The following MTURN variants were observed in gnomAD, a reference collection of about 807,000 sequenced individuals.
MTURN encodes the protein maturin, neural progenitor differentiation regulator homolog.
In MTURN, 7 loss-of-function variants were observed where a neutral mutation model predicts 14.9. The ratio of observed to expected loss-of-function variants is 0.47; its 90% confidence interval spans 0.27 to 0.88. The LOEUF (loss-of-function observed/expected upper bound fraction) is 0.88, where lower values mean the gene tolerates loss of function less well. Ranked by LOEUF, MTURN falls within the 40% of genes least tolerant of loss-of-function variation. The pLI is 0.14. For synonymous variants in MTURN, 69 were observed against 72.5 expected (o/e 0.95, Z 0.25); for missense variants, 151 against 174.1 (o/e 0.87, Z 0.75).
Position 30,135,299 on chromosome 7 carries a change from G to C in MTURN, c.162+1G>C, listed in dbSNP as rs781088046. The C allele has an allele frequency of 1.3e-6, 2 of 1,521,362 alleles. No homozygotes were observed. The allele number at this position is 1,521,362 out of a possible 1,614,324, so 94.2% of individuals were successfully genotyped here. ...GGACAACGGCTGCGGCGACAATTTT[G>C]TGAGTGCCTGGAGGAGGGACCGCCG... is the stretch of plus-strand genomic sequence containing the variant. On this transcript the variant is annotated splice_donor_variant, in intron 1 of 2. Coordinates refer to ENST00000324453, the MANE Select transcript of MTURN (RefSeq NM_152793.3). LOFTEE classifies it high-confidence loss of function.
At chr7:30,153,705 C>A (rs1359992467) in intron 2 of MTURN, among the ~76,000 whole-genome samples, 1 of 150,842 alleles carries the variant, frequency 6.6e-6, no homozygotes, top group African/African-American at 2.5e-5. Context: ...TGTGCCAAAC[C>A]CCCTTTTTAT....
At chr7:30,144,804 G>A (rs571494084) in intron 1 of MTURN, among the ~76,000 whole-genome samples, 1 of 152,260 alleles carries the variant, frequency 6.6e-6, no homozygotes, top group African/African-American at 2.4e-5. Flanking sequence ...TTGAGTGATA[G>A]GGATATGGGG....
chr7:30,140,415 G>GTGTGTGTATATATATATATATATATATA (rs33952294), intron 1 of MTURN, among the ~76,000 whole-genome samples: 2,746 of 143,754 alleles, frequency 0.019, 35 homozygotes, highest in East Asian at 0.039. Flanking sequence ...GTGTGTGTGT[G>GTGTGTGTATATATATATATATATATATA]TATCCCCATT....
intron 2 of MTURN, 144 bp downstream of exon 2, chr7:30,146,443 C>A (rs749152151): frequency 3.4e-6 from 4 of 1,176,414 alleles, no homozygotes; most frequent in Non-Finnish European, 4.7e-6. Context: ...AGATAGCAGC[C>A]AGTATAGGGA....
At chr7:30,145,991 A>G (rs1797123189) in intron 1 of MTURN, 186 bp from the exon 2 acceptor site, 47 of 1,549,084 alleles carry the variant, frequency 3.0e-5, no homozygotes, top group Non-Finnish European at 3.9e-5. Flanking sequence ...GCTTCTATAG[A>G]TTAGACATTT....
rs114229824 is a variant in MTURN at position 30,155,689 on chromosome 7, G to A, written c.286-1749G>A. 3.0e-3 allele frequency among the ~76,000 whole-genome samples: 456 copies of A among 152,268 alleles called. 1 individual carries two copies. Among genetic ancestry groups the A allele is most frequent in the African/African-American group, 0.01 (421 of 41,546 alleles). On this transcript the variant is annotated intron_variant, in intron 2 of 2. Transcript: ENST00000324453. ...CGTGTGTCTGCAGTTGACTGTGTAC[G>A]CCTTGGCAAGCCACAGGCAGAGTGT...
chr7:30,145,680 G>A, intron 1 of MTURN: 1 of 684,932 alleles, frequency 1.5e-6, no homozygotes, highest in Non-Finnish European at 2.3e-6. Context: ...ATTTGCATTT[G>A]GAAGTAAATT....
At chr7:30,142,849 A>G (rs1797072517) in intron 1 of MTURN, among the ~76,000 whole-genome samples, 2 of 152,138 alleles carry the variant, frequency 1.3e-5, no homozygotes, top group Non-Finnish European at 2.9e-5. Flanking sequence ...ACCCAGATTC[A>G]TGTTTGCCAG....
intron 2 of MTURN, among the ~76,000 whole-genome samples, chr7:30,156,388 G>A (rs923054519): frequency 1.3e-5 from 2 of 152,314 alleles, no homozygotes; most frequent in Admixed American, 6.5e-5. Context: ...CTCCGGGTCA[G>A]GTGTGGTGGC....
chr7:30,154,963 A>G (rs1797265339), intron 2 of MTURN, among the ~76,000 whole-genome samples: 1 of 152,152 alleles, frequency 6.6e-6, no homozygotes, highest in South Asian at 2.1e-4. Flanking sequence ...TCAATAAGGT[A>G]CCCTAAGCTG....
At position 30,162,061 on chromosome 7, in the gene MTURN, C is replaced by G. The variant is rs1445836744; in HGVS notation, c.*4513C>G. ...AATCTGGATTACGAAAATATAGTAC[C>G]CATGAGCATTTCATGTTAGAAACCC... On this transcript the variant is annotated 3_prime_UTR_variant, in exon 3 of 3. Transcript: ENST00000324453. The G allele has an allele frequency of 1.3e-5, 2 of 151,664 alleles. No homozygotes were observed. Among genetic ancestry groups the G allele is most frequent in the African/African-American group, 2.4e-5 (1 of 41,270 alleles). 9.4% of individuals were successfully genotyped at this position (151,664 alleles called of 1,614,324 possible). A position where few individuals can be genotyped will look rare whatever the true frequency, so the allele number is the denominator to read the frequency against.
chr7:30,137,458 C>G, intron 1 of MTURN: 1 of 381,076 alleles, frequency 2.6e-6, no homozygotes, highest in East Asian at 7.3e-5. Context: ...TTGTATCAGG[C>G]CTTTCTCTTG....
chr7:30,140,417 A>ATATATATATATATATATC (rs1163371256), intron 1 of MTURN, among the ~76,000 whole-genome samples: 1 of 17,120 alleles, frequency 5.8e-5, no homozygotes, highest in Non-Finnish European at 2.3e-4. Context: ...GTGTGTGTGT[A>ATATATATATATATATATC]TCCCCATTTG....
At position 30,146,234 on chromosome 7, in the gene MTURN, A is replaced by T. The variant is rs778928474; in HGVS notation, c.220A>T (p.Ile74Phe). ...TTTCTTGCAGCTAGCACAGGATTAC[A>T]TCTCCTCCTGCGGCAAGAAGACGCT... is the stretch of plus-strand genomic sequence containing the variant. ...LPFLQLAQDY[I>F]SSCGKKTLHE... The change falls in exon 2 of 3, where the codon ATC becomes TTC. Residue 74 changes from isoleucine (I) to phenylalanine (F), a missense_variant. Physicochemically the swap from Ile to Phe is conservative, Grantham distance 21. Coordinates refer to ENST00000324453, the MANE Select transcript of MTURN (RefSeq NM_152793.3). 1 of 1,614,166 alleles carries T rather than the reference A, an allele frequency of 6.2e-7. No individual in the cohort carries two copies. Among genetic ancestry groups the T allele is most frequent in the Non-Finnish European group, 8.5e-7 (1 of 1,180,048 alleles).
intron 1 of MTURN, among the ~76,000 whole-genome samples, chr7:30,136,816 A>G (rs1796970678): frequency 6.6e-6 from 1 of 152,194 alleles, no homozygotes; most frequent in Non-Finnish European, 1.5e-5. Context: ...TAATAATGCC[A>G]GCACCCAGGC....
In MTURN at chr7:30,160,729, A is replaced by G. The variant is rs1486192572; in HGVS notation, c.*3181A>G. The G allele has an allele frequency of 1.3e-5, 2 of 152,198 alleles. No homozygotes were observed. Among genetic ancestry groups the G allele is most frequent in the African/African-American group, 4.8e-5 (2 of 41,418 alleles). 9.4% of individuals were successfully genotyped at this position (152,198 alleles called of 1,614,324 possible). On this transcript the variant is annotated 3_prime_UTR_variant, in exon 3 of 3. Transcript: ENST00000324453. The stretch of plus-strand genomic sequence containing the variant: ...AGTGAATCCTAGAGACATTGTTCTT[A>G]TGGCCGCCTGGTTTCCGCAGCCTGA...
chr7:30,143,570 A>T (rs1430774871), intron 1 of MTURN, among the ~76,000 whole-genome samples: 5 of 151,994 alleles, frequency 3.3e-5, no homozygotes, highest in African/African-American at 1.2e-4. Flanking sequence ...TCCAAACCCC[A>T]TGCCACTCTA....
intron 2 of MTURN, among the ~76,000 whole-genome samples, chr7:30,147,383 G>A (rs1169120296): frequency 1.3e-5 from 2 of 152,220 alleles, no homozygotes; most frequent in Non-Finnish European, 2.9e-5. Flanking sequence ...AGACACCTTA[G>A]CACAGTTTAA....
chr7:30,149,698 C>T (rs1269111131), intron 2 of MTURN, among the ~76,000 whole-genome samples: 2 of 152,220 alleles, frequency 1.3e-5, no homozygotes, highest in Non-Finnish European at 2.9e-5. Flanking sequence ...TTGCTGTCAT[C>T]ACAGTTGAAC....
Sources: allele counts gnomAD v4.1 joint callset (sites outside exome capture counted in the v4.1 genomes callset), GRCh38; gene constraint gnomAD v4.1.1; transcripts MANE v1.5; gene names NCBI Gene and HGNC (gene_info 2026-07-23, HGNC 2026-07-21).